The following RAPGEF2 variants were observed in gnomAD, a reference collection of about 807,000 sequenced individuals.
RAPGEF2 encodes PDZ domain containing guanine nucleotide exchange factor (GEF) 1.
Under a neutral mutation model 186.7 loss-of-function variants are expected in RAPGEF2, and 54 were observed. The ratio of observed to expected loss-of-function variants is 0.29; its 90% CI spans 0.23 to 0.36. The LOEUF is 0.36. Among genes scored for constraint, RAPGEF2 ranks in the 10% least tolerant of loss-of-function variants. RAPGEF2 has a pLI of 1.00. For synonymous variants in RAPGEF2, 712 were observed against 705.9 expected, an observed-to-expected ratio of 1.01 and a Z score of -0.14; for missense variants, 1,532 against 2,045.0, an observed-to-expected ratio of 0.75 and a Z score of 4.84.
At chr4:159,340,329 TATC>T (rs770253760) in intron 19 of RAPGEF2, among the ~76,000 whole-genome samples, 3 of 152,192 alleles carry the variant, frequency 2.0e-5, no homozygotes, top group Non-Finnish European at 4.4e-5. Context: ...TTTTTCCACT[TATC>T]ATTTCAATGC....
Position 159,353,703 on chromosome 4 carries a change from G to T in RAPGEF2, c.4308G>T (p.Gly1436=). The T allele has an allele frequency of 6.2e-7, 1 of 1,600,976 alleles. No homozygotes were observed. ...GAAGCTGGGAGACTCTTCCATTCGGGCATACTCACTTTGATTATTCAGGGG... is the reference window on the plus strand; with the variant it reads ...GAAGCTGGGAGACTCTTCCATTCGGTCATACTCACTTTGATTATTCAGGGG... ...HQRSWETLPF[G]HTHFDYSGDP... is the part of the protein sequence containing the mutation. Residue 1436 remains glycine (G), a synonymous_variant, in exon 28 of 30, where the codon GGG becomes GGT. Coordinates refer to ENST00000691494, the MANE Select transcript of RAPGEF2 (RefSeq NM_001394067.2). The surrounding 1 kb of genome is among the most constrained non-coding windows in gnomAD (Gnocchi z 4.3).
At chr4:159,307,166 G>A (rs1013548815) in intron 8 of RAPGEF2, among the ~76,000 whole-genome samples, 3 of 151,978 alleles carry the variant, frequency 2.0e-5, no homozygotes, top group East Asian at 1.9e-4. Context: ...TGAAATAACC[G>A]TAAAAATAAC....
At chr4:159,280,613 T>C (rs1178190315) in intron 7 of RAPGEF2, among the ~76,000 whole-genome samples, 2 of 152,194 alleles carry the variant, frequency 1.3e-5, no homozygotes, top group East Asian at 3.9e-4. Context: ...CCTTTAAGTG[T>C]CATCCAAAGC....
chr4:159,353,153 G>A lies in RAPGEF2; in HGVS notation c.4091+243G>A, dbSNP rs1332629598. Among the ~76,000 whole-genome samples, 2 of 152,228 alleles carry A rather than the reference G, an allele frequency of 1.3e-5. No individual in the cohort carries two copies. Among genetic ancestry groups the A allele is most frequent in the Non-Finnish European group, 2.9e-5 (2 of 68,018 alleles). On this transcript the variant is annotated intron_variant, in intron 27 of 29. Coordinates refer to ENST00000691494, the MANE Select transcript of RAPGEF2 (RefSeq NM_001394067.2). The surrounding 1 kb of genome is among the most constrained non-coding windows in gnomAD (Gnocchi z 4.3). The stretch of plus-strand genomic sequence containing the variant: ...AGTTGTTCTGTGCTGAAGGCAGAGG[G>A]TGACTGTAGGATCCATCCCAGTTGT...
At chr4:159,345,397 T>C (rs780733002) in intron 24 of RAPGEF2, 68 bp downstream of exon 24, 2 of 1,447,920 alleles carry the variant, frequency 1.4e-6, no homozygotes, top group Non-Finnish European at 1.9e-6. Flanking sequence ...TGCAGTGGTA[T>C]GGGCAGTGAC....
chr4:159,267,387 G>T, intron 7 of RAPGEF2: 1 of 1,203,782 alleles, frequency 8.3e-7, no homozygotes, highest in Non-Finnish European at 1.1e-6. Flanking sequence ...TGCATGTGCT[G>T]TGTTTCTGTT....
Position 159,108,485 on chromosome 4 carries a change from A to G in RAPGEF2, c.69+4254A>G, listed in dbSNP as rs148286716. Among the ~76,000 whole-genome samples the G allele has an allele frequency of 8.5e-3, 1,285 of 151,144 alleles. 23 individuals carry two copies. Among genetic ancestry groups the G allele is most frequent in the African/African-American group, 0.03 (1,220 of 41,192 alleles). ...ACAAAACTAGTTATAACTTCTTATCACTATCATTTAATCTCACTGTTTTTA... is the reference window on the plus strand; with the variant it reads ...ACAAAACTAGTTATAACTTCTTATCGCTATCATTTAATCTCACTGTTTTTA... On this transcript the variant is annotated intron_variant, in intron 1 of 29. Coordinates refer to ENST00000691494, the MANE Select transcript of RAPGEF2 (RefSeq NM_001394067.2).
intron 7 of RAPGEF2, among the ~76,000 whole-genome samples, chr4:159,251,058 G>A (rs920648466): frequency 1.3e-5 from 2 of 152,358 alleles, no homozygotes; most frequent in Non-Finnish European, 2.9e-5. Context: ...GAGGGGCTTA[G>A]CACCTGGGTG....
At chr4:159,214,785 G>A (rs1750847269) in intron 4 of RAPGEF2, among the ~76,000 whole-genome samples, 4 of 152,132 alleles carry the variant, frequency 2.6e-5, no homozygotes, top group Admixed American at 1.3e-4. Context: ...TTAACTCATT[G>A]AGTTAGAGTC....
chr4:159,160,518 GTGTT>G (rs778783159), intron 1 of RAPGEF2, among the ~76,000 whole-genome samples: 3 of 152,240 alleles, frequency 2.0e-5, no homozygotes, highest in Non-Finnish European at 2.9e-5. Context: ...TGGCTAGAAA[GTGTT>G]TGTTTCACTT....
At chr4:159,279,070 G>C (rs1407078663) in intron 7 of RAPGEF2, among the ~76,000 whole-genome samples, 2 of 152,058 alleles carry the variant, frequency 1.3e-5, no homozygotes, top group African/African-American at 4.8e-5. Context: ...TTCATTATTA[G>C]AGTGAAAAAA....
chr4:159,238,786 ATT>A, intron 4 of RAPGEF2, 21 bp from the exon 5 acceptor site: 1 of 1,409,234 alleles, frequency 7.1e-7, no homozygotes, highest in South Asian at 1.4e-5. Flanking sequence ...CTCCTCATTG[ATT>A]TTTTTTTTCT....
At chr4:159,337,120 C>T (rs1411654853) in intron 17 of RAPGEF2, among the ~76,000 whole-genome samples, 7 of 152,244 alleles carry the variant, frequency 4.6e-5, no homozygotes, top group African/African-American at 7.2e-5. Flanking sequence ...TTGTCACTGT[C>T]GATAATAACC....
At chr4:159,221,061 A>G (rs1751494990) in intron 4 of RAPGEF2, among the ~76,000 whole-genome samples, 2 of 152,202 alleles carry the variant, frequency 1.3e-5, no homozygotes, top group South Asian at 4.1e-4. Flanking sequence ...CGACCCTTGC[A>G]GGGATGTAGA....
Position 159,358,099 on chromosome 4 carries a change from C to A in RAPGEF2, c.4958-15C>A. Reference sequence around the variant, plus strand: ...TTGCTCATTGATTTCTTTTTCTTCCCTGCTGTATTTGCAGAAGATGAACAA... The same window carrying A: ...TTGCTCATTGATTTCTTTTTCTTCCATGCTGTATTTGCAGAAGATGAACAA... On this transcript the variant is annotated splice_polypyrimidine_tract_variant and intron_variant, in intron 29 of 29. Transcript: ENST00000691494. The A allele has an allele frequency of 6.2e-7, 1 of 1,610,628 alleles. No individual in the cohort carries two copies. The highest frequency in any genetic ancestry group is 1.1e-5 in the South Asian group (1 of 90,132).
chr4:159,284,801 G>C (rs6813388), intron 7 of RAPGEF2, among the ~76,000 whole-genome samples: 94,297 of 152,092 alleles, frequency 0.62, 30,507 homozygotes, highest in African/African-American at 0.78. Context: ...GCCTGTAATC[G>C]CAACCCTTTG....
In RAPGEF2 at chr4:159,355,894, C is replaced by CCCCG; in HGVS notation, c.4695_4696insCGCC (p.Gly1566ArgfsTer10). ...GTATCGAGAGCCCCCGCCCACCCCT[C>CCCCG]CCGGCTACATTGGAATTCCCATTAC... On this transcript the variant is annotated frameshift_variant, in exon 29 of 30. Transcript: ENST00000691494. LOFTEE classifies it high-confidence loss of function. 3 of 1,544,938 alleles carry CCCCG rather than the reference C, an allele frequency of 1.9e-6. No homozygotes were observed. Among genetic ancestry groups the CCCCG allele is most frequent in the Non-Finnish European group, 1.8e-6 (2 of 1,141,758 alleles).
At chr4:159,155,104 C>T (rs943843846) in intron 1 of RAPGEF2, among the ~76,000 whole-genome samples, 1 of 152,138 alleles carries the variant, frequency 6.6e-6, no homozygotes, top group African/African-American at 2.4e-5. Flanking sequence ...GTGTAAATCT[C>T]CCCAGAGATT....
chr4:159,355,814 G>T (rs965287726), intron 28 of RAPGEF2, 39 bp from the exon 29 acceptor site: 20 of 1,486,350 alleles, frequency 1.3e-5, no homozygotes, highest in Non-Finnish European at 1.6e-5. Context: ...TTTGTGGCAT[G>T]AACTAGTTTT....
Sources: gnomAD v4.1 joint callset for allele counts (sites outside exome capture counted in the v4.1 genomes callset) on GRCh38, gnomAD v4.1.1 for gene constraint, Gnocchi (gnomAD v3.1) non-coding constraint, MANE v1.5 for transcripts, NCBI Gene and HGNC (gene_info 2026-07-23, HGNC 2026-07-21) for gene names.